The following SPATA1 variants were observed in gnomAD, a reference collection of about 807,000 sequenced individuals.
SPATA1 encodes the protein spermatogenesis-associated protein 1.
SPATA1 carries 57 observed loss-of-function variants against 59.6 expected under a neutral mutation model. That is an observed-to-expected ratio of 0.96 (90% CI 0.77 to 1.19). The LOEUF is 1.19. Among genes scored for constraint, SPATA1 ranks in the 50% most tolerant of loss-of-function variants. The pLI, the probability that SPATA1 is intolerant of heterozygous loss-of-function variation, is 0.00. For missense variants in SPATA1, 448 were observed against 480.7 expected (o/e 0.93, Z 0.64); for synonymous variants, 147 against 163.9 (o/e 0.90, Z 0.79).
chr1:84,547,640 G>A (rs748098383), intron 10 of SPATA1, among the ~76,000 whole-genome samples: 1 of 152,156 alleles, frequency 6.6e-6, no homozygotes, highest in Non-Finnish European at 1.5e-5. Context: ...TGATTAATAG[G>A]GAGGCAGGCA....
chr1:84,507,152 GTCAC>G (rs1454019583), intron 1 of SPATA1: 2 of 152,224 alleles, frequency 1.3e-5, no homozygotes, highest in East Asian at 3.9e-4. Context: ...TGTGTGTTAT[GTCAC>G]AGCACTAAGG....
exon 13 of SPATA1, chr1:84,553,276 A>G (rs968072017): frequency 2.1e-6 from 1 of 478,684 alleles, no homozygotes; most frequent in African/African-American, 2.0e-5. Context: ...ATGTTTCAGG[A>G]AATATTAGAT....
intron 1 of SPATA1, among the ~76,000 whole-genome samples, chr1:84,510,838 A>G (rs1570379963): frequency 6.6e-6 from 1 of 152,382 alleles, no homozygotes; most frequent in East Asian, 1.9e-4. Flanking sequence ...GCCATAAAAA[A>G]GAATGAGATC....
At chr1:84,546,586 G>C (rs1221393485) in intron 10 of SPATA1, among the ~76,000 whole-genome samples, 1 of 152,094 alleles carries the variant, frequency 6.6e-6, no homozygotes, top group African/African-American at 2.4e-5. Context: ...TCCAGGAAAA[G>C]TGTTGGATAT....
chr1:84,555,667 G>A (rs894143204), downstream of SPATA1, among the ~76,000 whole-genome samples: 11 of 152,162 alleles, frequency 7.2e-5, no homozygotes, highest in Non-Finnish European at 1.3e-4. Context: ...CTTGCCCTTA[G>A]CCAGTGATTA....
At chr1:84,511,791 C>T (rs557750344) in intron 1 of SPATA1, among the ~76,000 whole-genome samples, 57 of 150,278 alleles carry the variant, frequency 3.8e-4, no homozygotes, top group Non-Finnish European at 5.3e-4. Flanking sequence ...AAGCAAGTCT[C>T]CTGCCTCAGC....
rs1228857429 is a variant in SPATA1, at chr1:84,532,859, G to A, written c.545-1G>A. 2 of 1,548,146 alleles carry A rather than the reference G, an allele frequency of 1.3e-6. No individual in the cohort carries two copies. The highest frequency in any genetic ancestry group is 4.9e-5 in the East Asian group (2 of 40,868). The stretch of plus-strand genomic sequence containing the variant: ...TTGCTGTGGATGACCATCAACATCA[G>A]CTGGGGGAAAAGCCACTGCAGAAAA... On this transcript the variant is annotated splice_acceptor_variant, in intron 6 of 12. Transcript: ENST00000490879. LOFTEE classifies it high-confidence loss of function.
At chr1:84,543,232 C>T (rs1463981105) in intron 8 of SPATA1, among the ~76,000 whole-genome samples, 4 of 151,912 alleles carry the variant, frequency 2.6e-5, no homozygotes, top group Non-Finnish European at 5.9e-5. Flanking sequence ...TAATGAGGTA[C>T]CGAAGCATAA....
intron 4 of SPATA1, chr1:84,563,386 G>A (rs747885910): frequency 6.3e-7 from 1 of 1,576,198 alleles, no homozygotes; most frequent in Middle Eastern, 1.7e-4. Flanking sequence ...GAGCCCCCCG[G>A]AAAGGGACTT....
intron 8 of SPATA1, among the ~76,000 whole-genome samples, chr1:84,540,978 AAGGAT>A (rs1361464348): frequency 2.0e-5 from 3 of 152,230 alleles, no homozygotes; most frequent in African/African-American, 7.2e-5. Flanking sequence ...TTACTACTTG[AAGGAT>A]AGCTTGACTG....
chr1:84,563,436 CTCA>C lies in SPATA1; in HGVS notation n.443-2423_443-2421del, dbSNP rs555313581. 30 of 1,463,642 alleles carry C rather than the reference CTCA, an allele frequency of 2.0e-5. No homozygotes were observed. The East Asian group carries it at 7.7e-4, about 38-fold the overall frequency. 90.7% of individuals were successfully genotyped at this position (1,463,642 alleles called of 1,614,324 possible). ...ACATGATCCTAGAAATGCAAAAGTG[CTCA>C]TGTTATATATTATCAATTATGCAAT... On this transcript the variant is annotated intron_variant and non_coding_transcript_variant, in intron 4 of 4. Transcript: ENST00000460286.
At chr1:84,558,019 G>A (rs1684498996), downstream of SPATA1, among the ~76,000 whole-genome samples, 1 of 152,106 alleles carries the variant, frequency 6.6e-6, no homozygotes, top group Admixed American at 6.5e-5. Flanking sequence ...AGAGGCTGGG[G>A]GTGGGAAGAA....
intron 1 of SPATA1, among the ~76,000 whole-genome samples, chr1:84,515,251 C>T (rs539877799): frequency 2.0e-5 from 3 of 152,126 alleles, no homozygotes; most frequent in Admixed American, 1.3e-4. Flanking sequence ...CTAATGTGTA[C>T]TTAAGACATG....
exon 13 of SPATA1, chr1:84,553,987 A>G (rs1570461512): frequency 6.6e-6 from 1 of 152,152 alleles, no homozygotes; most frequent in East Asian, 1.9e-4. Context: ...CAGTGTCTTT[A>G]GATCATTAAA....
intron 4 of SPATA1, among the ~76,000 whole-genome samples, chr1:84,523,001 C>A (rs1015663786): frequency 6.6e-6 from 1 of 151,870 alleles, no homozygotes; most frequent in Non-Finnish European, 1.5e-5. Context: ...ACCTCCACCC[C>A]TCAGGTTCAA....
At chr1:84,507,720 A>G (rs1274373124) in intron 1 of SPATA1, among the ~76,000 whole-genome samples, 8 of 152,222 alleles carry the variant, frequency 5.3e-5, no homozygotes, top group African/African-American at 1.7e-4. Flanking sequence ...CAGTAGTTGT[A>G]AAATATATCA....
At chr1:84,550,308 G>T in intron 11 of SPATA1, 124 bp from the exon 12 acceptor site, 1 of 457,378 alleles carries the variant, frequency 2.2e-6, no homozygotes. Flanking sequence ...TTTACTTTAC[G>T]GAATAGGTTA....
At chr1:84,551,224 CG>C (rs1373529822) in intron 12 of SPATA1, 1 of 984,902 alleles carries the variant, frequency 1.0e-6, no homozygotes, top group East Asian at 1.1e-4. Flanking sequence ...AAAATGAGAA[CG>C]ATAATTATAT....
chr1:84,557,551 AAAG>A (rs1303077363), downstream of SPATA1, among the ~76,000 whole-genome samples: 19 of 122,622 alleles, frequency 1.5e-4, no homozygotes, highest in African/African-American at 5.9e-4. Context: ...AAAAAAAAAA[AAAG>A]AAAAAAAAAA....
Sources: gnomAD v4.1 joint callset for allele counts (sites outside exome capture counted in the v4.1 genomes callset) on GRCh38, gnomAD v4.1.1 for gene constraint, MANE v1.5 for transcripts, NCBI Gene and HGNC (gene_info 2026-07-23, HGNC 2026-07-21) for gene names.